The following NEK11 variants were observed in gnomAD, a reference collection of about 807,000 sequenced individuals.
NEK11 encodes serine/threonine-protein kinase Nek11.
Under a neutral mutation model 80.7 loss-of-function variants are expected in NEK11, and 72 were observed. That is an observed-to-expected ratio of 0.89 (90% CI 0.74 to 1.08). The LOEUF (loss-of-function observed/expected upper bound fraction) is 1.08, where lower values mean the gene tolerates loss of function less well. Among genes scored for constraint, NEK11 ranks in the 50% least tolerant of loss-of-function variants. The pLI, the probability that NEK11 is intolerant of heterozygous loss-of-function variation, is 0.00. For synonymous variants in NEK11, 251 were observed against 260.7 expected (o/e 0.96, Z 0.36); for missense variants, 764 against 763.6 (o/e 1.00, Z -0.01).
chr3:131,242,418 T>G (rs1393650505), intron 15 of NEK11, among the ~76,000 whole-genome samples: 1 of 152,154 alleles, frequency 6.6e-6, no homozygotes, highest in Non-Finnish European at 1.5e-5. Flanking sequence ...TCTAGCAAGA[T>G]GCAGTTACTC....
At chr3:131,211,075 T>G (rs559022198) in intron 14 of NEK11, among the ~76,000 whole-genome samples, 43 of 152,326 alleles carry the variant, frequency 2.8e-4, no homozygotes, top group African/African-American at 9.9e-4. Flanking sequence ...GCATTGATGG[T>G]CTTTACAATT....
At chr3:131,064,793 T>G (rs1385027834) in intron 3 of NEK11, among the ~76,000 whole-genome samples, 8 of 151,924 alleles carry the variant, frequency 5.3e-5, no homozygotes. Flanking sequence ...TTCAAAGAGC[T>G]TATGGACCAG....
intron 17 of NEK11, among the ~76,000 whole-genome samples, chr3:131,275,029 C>T (rs2096271039): frequency 6.6e-6 from 1 of 151,954 alleles, no homozygotes. Context: ...TTGCATTTCT[C>T]TGATGGCCAG....
chr3:131,078,557 C>A (rs1023789767), intron 3 of NEK11, among the ~76,000 whole-genome samples: 1 of 152,056 alleles, frequency 6.6e-6, no homozygotes, highest in Admixed American at 6.6e-5. Context: ...CTTCTAGACC[C>A]TGAATATGAA....
intron 15 of NEK11, among the ~76,000 whole-genome samples, chr3:131,242,278 G>A (rs548141624): frequency 1.6e-4 from 25 of 152,220 alleles, no homozygotes; most frequent in African/African-American, 5.8e-4. Flanking sequence ...TGTGGCTATG[G>A]AGGAAGGAGA....
chr3:131,142,554 A>G (rs1392654847), intron 7 of NEK11, among the ~76,000 whole-genome samples: 1 of 152,208 alleles, frequency 6.6e-6, no homozygotes, highest in Non-Finnish European at 1.5e-5. Flanking sequence ...ATTCGGTCTT[A>G]ATAGAGTGGC....
chr3:131,168,651 C>T lies in NEK11; in HGVS notation c.1177-179C>T, dbSNP rs115077838. Among the ~76,000 whole-genome samples the T allele has an allele frequency of 4.6e-3, 706 of 152,254 alleles. 5 individuals are homozygous for T. The highest frequency in any genetic ancestry group is 0.015 in the African/African-American group (640 of 41,532). On this transcript the variant is annotated intron_variant, in intron 12 of 17. Coordinates refer to ENST00000383366, the MANE Select transcript of NEK11 (RefSeq NM_024800.5). ...GATTACAGGCGTGAGCCACCGCGCC[C>T]GGCCGACGTTGCATTTCTTATAATC...
chr3:131,336,829 G>C (rs999651711), intron 17 of NEK11, among the ~76,000 whole-genome samples: 2 of 152,204 alleles, frequency 1.3e-5, no homozygotes, highest in African/African-American at 4.8e-5. Flanking sequence ...CTTCTCAAAA[G>C]AAGACATTTA....
At chr3:131,291,997 C>A (rs1435625073) in intron 17 of NEK11, among the ~76,000 whole-genome samples, 1 of 152,182 alleles carries the variant, frequency 6.6e-6, no homozygotes, top group Admixed American at 6.5e-5. Context: ...CATTGCCATA[C>A]TCAAGGTAAT....
In NEK11 at chr3:131,096,497, A is replaced by G. The variant is rs117188490; in HGVS notation, c.337-13306A>G. On this transcript the variant is annotated intron_variant, in intron 4 of 17. Coordinates refer to ENST00000383366, the MANE Select transcript of NEK11 (RefSeq NM_024800.5). ...GTGTGGTGATGAACATTATGCATGC[A>G]TATGTCTTTTTGGTAGAATGATCTA... 2.0e-5 allele frequency among the ~76,000 whole-genome samples: 3 copies of G among 152,152 alleles called. No homozygotes were observed. The East Asian group carries it at 5.8e-4, about 29-fold the overall frequency.
intron 14 of NEK11, among the ~76,000 whole-genome samples, chr3:131,179,858 G>T (rs940746487): frequency 2.6e-5 from 4 of 152,112 alleles, no homozygotes; most frequent in Non-Finnish European, 5.9e-5. Flanking sequence ...TTTCAAAATT[G>T]ATGGTGTCTT....
At chr3:131,068,194 G>T (rs913295756) in intron 3 of NEK11, among the ~76,000 whole-genome samples, 2 of 152,118 alleles carry the variant, frequency 1.3e-5, no homozygotes, top group African/African-American at 4.8e-5. Context: ...AACACTTTTA[G>T]CCCTGGCAGT....
intron 3 of NEK11, among the ~76,000 whole-genome samples, chr3:131,038,689 CTTACA>C (rs2066005226): frequency 6.6e-6 from 1 of 152,086 alleles, no homozygotes; most frequent in Admixed American, 6.5e-5. Context: ...ATTCTTTTTT[CTTACA>C]TTACTGTTGT....
intron 14 of NEK11, among the ~76,000 whole-genome samples, chr3:131,221,895 A>G (rs927462911): frequency 6.6e-6 from 1 of 152,176 alleles, no homozygotes; most frequent in African/African-American, 2.4e-5. Flanking sequence ...AATCAGAAAC[A>G]CTGGGTGTGG....
chr3:131,247,387 A>G (rs1204784178), intron 16 of NEK11, among the ~76,000 whole-genome samples: 1 of 152,000 alleles, frequency 6.6e-6, no homozygotes, highest in African/African-American at 2.4e-5. Flanking sequence ...TCCATTTCCT[A>G]CTTTATGTTT....
chr3:131,340,874 T>C (rs962865204), intron 17 of NEK11, among the ~76,000 whole-genome samples: 8 of 152,194 alleles, frequency 5.3e-5, no homozygotes, highest in Admixed American at 5.2e-4. Context: ...TTAAAAGGCT[T>C]TTGTTTCTTG....
At chr3:131,059,178 AACT>A (rs149467722) in intron 3 of NEK11, among the ~76,000 whole-genome samples, 1,537 of 152,320 alleles carry the variant, frequency 0.01, 21 homozygotes, top group East Asian at 0.073. Flanking sequence ...AGCTAATCAA[AACT>A]ACTATGAATT....
intron 15 of NEK11, among the ~76,000 whole-genome samples, chr3:131,234,906 T>A (rs16836146): frequency 0.15 from 23,009 of 151,886 alleles, 3,498 homozygotes; most frequent in African/African-American, 0.39. Flanking sequence ...GGAGGCTTAG[T>A]CATTAAGTCT....
chr3:131,174,154 T>C (rs532319000), intron 14 of NEK11, among the ~76,000 whole-genome samples: 4 of 152,164 alleles, frequency 2.6e-5, no homozygotes. Flanking sequence ...TTGTGAATAG[T>C]GCTATAATGA....
Sources: gnomAD v4.1 joint callset for allele counts (sites outside exome capture counted in the v4.1 genomes callset) on GRCh38, gnomAD v4.1.1 for gene constraint, MANE v1.5 for transcripts, NCBI Gene and HGNC (gene_info 2026-07-23, HGNC 2026-07-21) for gene names.